The following SGCD variants were observed in gnomAD, a reference collection of about 807,000 sequenced individuals.
SGCD encodes delta-sarcoglycan.
SGCD carries 18 observed loss-of-function variants against 36.6 expected under a neutral mutation model. The observed-to-expected ratio is 0.49, with a 90% CI of 0.34 to 0.73. The LOEUF (loss-of-function observed/expected upper bound fraction) is 0.73. SGCD is among the 30% of genes least tolerant of loss of function. The pLI is 0.01. For synonymous variants in SGCD, 133 were observed against 130.6 expected (o/e 1.02, Z -0.12); for missense variants, 387 against 346.7 (o/e 1.12, Z -0.92).
the SGCD span, among the ~76,000 whole-genome samples, chr5:155,827,845 AT>A: frequency 0.01 from 1,249 of 124,886 alleles, 23 homozygotes; most frequent in African/African-American, 0.035. Flanking sequence ...CACCTGGCTA[AT>A]TTTTTTTTTT....
intron 1 of SGCD, among the ~76,000 whole-genome samples, chr5:155,994,392 C>T (rs1758496384): frequency 6.6e-6 from 1 of 152,156 alleles, no homozygotes; most frequent in African/African-American, 2.4e-5. Context: ...TATTATTGTA[C>T]TGGTTAATGT....
chr5:156,014,271 C>A (rs1018240725), intron 1 of SGCD, among the ~76,000 whole-genome samples: 3 of 152,146 alleles, frequency 2.0e-5, no homozygotes, highest in Admixed American at 2.0e-4. Flanking sequence ...CTGTTTATTT[C>A]TTCCAATTAA....
chr5:156,014,570 C>T (rs915853024), intron 1 of SGCD, among the ~76,000 whole-genome samples: 1 of 152,106 alleles, frequency 6.6e-6, no homozygotes, highest in East Asian at 1.9e-4. Flanking sequence ...TTCTCTTATA[C>T]AATCTTAGTA....
At chr5:156,361,650 AAT>A (rs1769799989) in intron 3 of SGCD, among the ~76,000 whole-genome samples, 1 of 152,246 alleles carries the variant, frequency 6.6e-6, no homozygotes, top group African/African-American at 2.4e-5. Context: ...AGGAATGACT[AAT>A]AGAGTCTTAA....
chr5:156,249,887 A>G (rs1483849785), intron 3 of SGCD, among the ~76,000 whole-genome samples: 3 of 152,234 alleles, frequency 2.0e-5, no homozygotes, highest in Non-Finnish European at 2.9e-5. Flanking sequence ...CTTTATTTGT[A>G]AGTGAGAAAA....
intron 1 of SGCD, among the ~76,000 whole-genome samples, chr5:156,080,376 G>A (rs1760919635): frequency 6.6e-6 from 1 of 152,138 alleles, no homozygotes; most frequent in Non-Finnish European, 1.5e-5. Context: ...CTCCTTTTTA[G>A]GTATACAAAT....
rs377153196 is a variant in SGCD at position 156,759,233 on chromosome 5, C to T, written c.716C>T (p.Ala239Val). 3.0e-5 allele frequency: 49 copies of T among 1,613,452 alleles called. No homozygotes were observed. The highest frequency in any genetic ancestry group is 1.1e-4 in the East Asian group (5 of 44,882). ...SKDGEIKLDA[A>V]KIRLPRLPHG... is the part of the protein sequence containing the mutation. ...TGTCTTTAGATTAAGTTAGATGCTG[C>T]GAAAATCAGGCTACCTAGACTGCCT... The change falls in exon 9 of 9, where the codon GCG becomes GTG. Residue 239 changes from alanine (A) to valine (V), a missense_variant. Coordinates refer to ENST00000337851, the MANE Select transcript of SGCD (RefSeq NM_000337.6).
At chr5:156,397,769 A>G (rs1771940075) in intron 3 of SGCD, among the ~76,000 whole-genome samples, 1 of 152,232 alleles carries the variant, frequency 6.6e-6, no homozygotes, top group Non-Finnish European at 1.5e-5. Flanking sequence ...ATTGCTAAAC[A>G]AGTGACTGAA....
At chr5:156,002,062 A>C (rs1758675252) in intron 1 of SGCD, among the ~76,000 whole-genome samples, 1 of 152,226 alleles carries the variant, frequency 6.6e-6, no homozygotes, top group South Asian at 2.1e-4. Context: ...TACAGACTGA[A>C]TTGTCCGCCT....
At chr5:156,716,750 TC>T (rs1256385039) in intron 7 of SGCD, among the ~76,000 whole-genome samples, 1 of 152,184 alleles carries the variant, frequency 6.6e-6, no homozygotes, top group Admixed American at 6.5e-5. Flanking sequence ...CTCCCTTGTC[TC>T]TGAGACAGCG....
intron 1 of SGCD, among the ~76,000 whole-genome samples, chr5:156,015,181 G>T (rs1048507710): frequency 9.9e-5 from 15 of 152,038 alleles, no homozygotes; most frequent in African/African-American, 2.9e-4. Context: ...CATTCATTAG[G>T]TTCTCTAAAG....
chr5:156,375,181 C>T (rs991201382), intron 3 of SGCD, among the ~76,000 whole-genome samples: 2 of 152,044 alleles, frequency 1.3e-5, no homozygotes, highest in Non-Finnish European at 1.5e-5. Context: ...CGATTTTTTC[C>T]GTCTGCTTCC....
chr5:156,214,091 G>A (rs1764516168), intron 3 of SGCD, among the ~76,000 whole-genome samples: 1 of 151,912 alleles, frequency 6.6e-6, no homozygotes, highest in Non-Finnish European at 1.5e-5. Flanking sequence ...AATAAGATTG[G>A]AAGTCCTAGC....
At chr5:156,521,518 A>G (rs116117705) in intron 4 of SGCD, among the ~76,000 whole-genome samples, 1,607 of 152,072 alleles carry the variant, frequency 0.011, 28 homozygotes, top group African/African-American at 0.036. Context: ...GAAATAAAAC[A>G]CATTATAAAG....
rs73301373 is a variant in SGCD, at chr5:155,948,692, G to C, written c.-282+78268G>C. 1.7e-3 allele frequency among the ~76,000 whole-genome samples: 258 copies of C among 152,268 alleles called. 4 individuals are homozygous for C. Among genetic ancestry groups the C allele is most frequent in the African/African-American group, 5.9e-3 (246 of 41,564 alleles). On this transcript the variant is annotated intron_variant, in intron 1 of 9. Coordinates refer to the SGCD transcript ENST00000517913. The stretch of plus-strand genomic sequence containing the variant: ...CTTAAATGGGGTTAGAATCTTTAGT[G>C]TGTGTTGAAGAAGGGAGTAGTGGAG...
intron 3 of SGCD, among the ~76,000 whole-genome samples, chr5:156,452,595 G>A (rs1229739457): frequency 6.6e-6 from 1 of 152,066 alleles, no homozygotes; most frequent in Non-Finnish European, 1.5e-5. Flanking sequence ...AAGTTTTTTA[G>A]AATACACCTA....
At chr5:156,036,740 C>A (rs997560741) in intron 1 of SGCD, among the ~76,000 whole-genome samples, 4 of 152,148 alleles carry the variant, frequency 2.6e-5, no homozygotes, top group Non-Finnish European at 5.9e-5. Context: ...TCAAATTTTC[C>A]TTTATTTCCA....
chr5:156,087,661 A>C (rs1488279826), intron 1 of SGCD, among the ~76,000 whole-genome samples: 4 of 146,350 alleles, frequency 2.7e-5, no homozygotes, highest in Non-Finnish European at 4.5e-5. Context: ...AAAAAAAAAA[A>C]CTAGTTCCTT....
At chr5:156,488,039 G>A (rs567242235) in intron 3 of SGCD, among the ~76,000 whole-genome samples, 21 of 138,156 alleles carry the variant, frequency 1.5e-4, no homozygotes, top group Admixed American at 4.4e-4. Flanking sequence ...AATAAAAATG[G>A]AAAGCTTTAA....
Sources: allele counts gnomAD v4.1 joint callset (sites outside exome capture counted in the v4.1 genomes callset), GRCh38; gene constraint gnomAD v4.1.1; transcripts MANE v1.5; gene names NCBI Gene and HGNC (gene_info 2026-07-23, HGNC 2026-07-21).